The following NGF variants were observed in gnomAD, a reference collection of about 807,000 sequenced individuals.
NGF encodes beta-nerve growth factor.
A neutral mutation model predicts 12.8 loss-of-function variants in NGF; 4 were observed. The ratio of observed to expected loss-of-function variants is 0.31; its 90% CI spans 0.15 to 0.72. The LOEUF is 0.72. Among genes scored for constraint, NGF ranks in the 30% least tolerant of loss-of-function variants. The pLI, the probability that NGF is intolerant of heterozygous loss-of-function variation, is 0.69. For missense variants in NGF, 283 were observed against 330.8 expected, an observed-to-expected ratio of 0.86 and a Z score of 1.12; for synonymous variants, 140 against 130.0, an observed-to-expected ratio of 1.08 and a Z score of -0.52.
chr1:115,291,913 G>C (rs1653713779), intron 2 of NGF, among the ~76,000 whole-genome samples: 1 of 152,150 alleles, frequency 6.6e-6, no homozygotes, highest in South Asian at 2.1e-4. Context: ...GCCATGCCAA[G>C]AGCCACGAGT....
At position 115,337,267 on chromosome 1, in the gene NGF, G is replaced by GTTTGTTTGTTTTTTT; in HGVS notation, c.-137+936_-137+937insAAAAAAACAAACAAA. On this transcript the variant is annotated intron_variant, in intron 1 of 2. Coordinates refer to ENST00000369512, the MANE Select transcript of NGF (RefSeq NM_002506.3). Reference sequence around the variant, plus strand: ...TCGAAATTTTTTTTGTTTTGTTTTTGTTTTTTTTTTTTTTTTTTTTTTTTT... The same window carrying GTTTGTTTGTTTTTTT: ...TCGAAATTTTTTTTGTTTTGTTTTTGTTTGTTTGTTTTTTTTTTTTTTTTTTTTTTTTTTTTTTTT... Among the ~76,000 whole-genome samples the GTTTGTTTGTTTTTTT allele has an allele frequency of 2.7e-4, 22 of 81,028 alleles. 2 individuals carry two copies. Among genetic ancestry groups the GTTTGTTTGTTTTTTT allele is most frequent in the African/African-American group, 7.9e-4 (15 of 18,892 alleles). The allele number at this position is 81,028 out of a possible 152,430, so 53.2% of individuals were successfully genotyped here.
intron 1 of NGF, among the ~76,000 whole-genome samples, chr1:115,326,004 A>G (rs1400721487): frequency 1.3e-5 from 2 of 152,126 alleles, no homozygotes; most frequent in African/African-American, 4.8e-5. Flanking sequence ...AGAATATAAG[A>G]GTCTGGGGCC....
At chr1:115,299,737 C>T (rs1653977676) in intron 1 of NGF, among the ~76,000 whole-genome samples, 1 of 152,122 alleles carries the variant, frequency 6.6e-6, no homozygotes, top group East Asian at 1.9e-4. Context: ...AATAATTTTT[C>T]AAACTTTTCT....
chr1:115,307,774 T>C (rs1278432300), intron 1 of NGF, among the ~76,000 whole-genome samples: 1 of 152,256 alleles, frequency 6.6e-6, no homozygotes, highest in Admixed American at 6.5e-5. Context: ...CTTGGCAGAA[T>C]GATACAGTGA....
chr1:115,321,380 A>G (rs748898679), intron 1 of NGF, among the ~76,000 whole-genome samples: 3 of 152,220 alleles, frequency 2.0e-5, no homozygotes, highest in Non-Finnish European at 4.4e-5. Context: ...TTTTTAATCA[A>G]GGAACTTCAT....
chr1:115,333,724 TTCCTTCTTTCTTTC>T (rs1571101303), intron 1 of NGF, among the ~76,000 whole-genome samples: 2 of 127,194 alleles, frequency 1.6e-5, no homozygotes, highest in East Asian at 5.6e-4. Context: ...TTTTCTTTCT[TTCCTTCTTTCTTTC>T]TTTCTTCCTT....
intron 1 of NGF, among the ~76,000 whole-genome samples, chr1:115,327,898 G>A (rs1557947418): frequency 6.6e-6 from 1 of 152,130 alleles, no homozygotes; most frequent in Admixed American, 6.5e-5. Context: ...CTGGCTTGGC[G>A]ACATTAATTT....
chr1:115,328,687 A>G (rs1373845632), intron 1 of NGF, among the ~76,000 whole-genome samples: 2 of 152,148 alleles, frequency 1.3e-5, no homozygotes, highest in African/African-American at 4.8e-5. Flanking sequence ...ATTTTGTGGG[A>G]TCAGAAGCTC....
chr1:115,333,655 CTCTTTCTTTCTTTCTTTCTTTCTTTCTT>C (rs368041850), intron 1 of NGF, among the ~76,000 whole-genome samples: 5 of 135,226 alleles, frequency 3.7e-5, no homozygotes, highest in South Asian at 2.5e-4. Flanking sequence ...TTCTTTCTTT[CTCTTTCTTTCTTTCTTTCTTTCTTTCTT>C]TCTTTCTTTC....
At chr1:115,337,261 GTTTTTGTTTTTTTTTTTTTTTTTT>G (rs1655141335) in intron 1 of NGF, among the ~76,000 whole-genome samples, 4 of 11,758 alleles carry the variant, frequency 3.4e-4, no homozygotes, top group Non-Finnish European at 5.8e-4. Flanking sequence ...TTTTTGTTTT[GTTTTTGTTTTTTTTTTTTTTTTTT>G]TTTTTTTTTT....
intron 1 of NGF, among the ~76,000 whole-genome samples, chr1:115,332,940 G>A (rs989220711): frequency 5.3e-5 from 8 of 152,138 alleles, no homozygotes; most frequent in African/African-American, 1.4e-4. Context: ...TACCTCAATC[G>A]TTGACCTCTC....
chr1:115,292,350 C>T (rs1161794723), intron 2 of NGF, among the ~76,000 whole-genome samples: 12 of 152,128 alleles, frequency 7.9e-5, no homozygotes, highest in Admixed American at 7.2e-4. Flanking sequence ...AACTTCAGGG[C>T]ATCAGAATCA....
rs762536454 is a variant in NGF, at chr1:115,286,727, C to A, written c.69G>T (p.Glu23Asp). Residue 23 changes from glutamate to aspartate, a missense_variant, in exon 3 of 3, where the codon GAG (glutamate) becomes GAT (aspartate). Glu to Asp is a conservative substitution (Grantham distance 45, BLOSUM62 2). Transcript: ENST00000369512. ...TGGTGTGTCCTGCAGGGACATTGCTCTCTGAGTGTGGTTCCGCCTGTATGC... is the reference window on the plus strand; with the variant it reads ...TGGTGTGTCCTGCAGGGACATTGCTATCTGAGTGTGGTTCCGCCTGTATGC... ...LIGIQAEPHSESNVPAGHTIP... is the reference protein window; with the variant it reads ...LIGIQAEPHSDSNVPAGHTIP... The A allele has an allele frequency of 6.2e-7, 1 of 1,614,194 alleles. No homozygotes were observed. The highest frequency in any genetic ancestry group is 8.5e-7 in the Non-Finnish European group (1 of 1,180,036).
chr1:115,297,186 G>T (rs1653899356), intron 1 of NGF, among the ~76,000 whole-genome samples: 1 of 152,180 alleles, frequency 6.6e-6, no homozygotes, highest in Non-Finnish European at 1.5e-5. Flanking sequence ...CAGAAACTGG[G>T]AATGAAACAC....
intron 1 of NGF, among the ~76,000 whole-genome samples, chr1:115,306,056 G>A (rs977993293): frequency 6.6e-6 from 1 of 152,118 alleles, no homozygotes; most frequent in Non-Finnish European, 1.5e-5. Context: ...TATCTTTGTT[G>A]AGCTTAAACA....
intron 1 of NGF, among the ~76,000 whole-genome samples, chr1:115,308,878 G>T (rs1654270377): frequency 6.6e-6 from 1 of 152,194 alleles, no homozygotes; most frequent in Non-Finnish European, 1.5e-5. Flanking sequence ...TCATCAGTCA[G>T]AGTTGGTTCC....
intron 1 of NGF, among the ~76,000 whole-genome samples, chr1:115,314,327 T>C (rs1483876019): frequency 6.6e-6 from 1 of 152,216 alleles, no homozygotes; most frequent in Non-Finnish European, 1.5e-5. Context: ...CTAACAGCTC[T>C]GACTGGGATT....
chr1:115,318,999 A>T (rs1654546808), intron 1 of NGF, among the ~76,000 whole-genome samples: 1 of 152,232 alleles, frequency 6.6e-6, no homozygotes. Context: ...CCCAGATTCA[A>T]ACTCTGTATG....
chr1:115,334,485 A>G (rs1478728055), intron 1 of NGF, among the ~76,000 whole-genome samples: 1 of 152,164 alleles, frequency 6.6e-6, no homozygotes, highest in Admixed American at 6.5e-5. Context: ...TTCACTCACA[A>G]AAGGCAAAGG....
Sources: allele counts gnomAD v4.1 joint callset (sites outside exome capture counted in the v4.1 genomes callset), GRCh38; gene constraint gnomAD v4.1.1; transcripts MANE v1.5; gene names NCBI Gene and HGNC (gene_info 2026-07-23, HGNC 2026-07-21).